The following CATSPERB variants were observed in gnomAD, a reference collection of about 807,000 sequenced individuals.
CATSPERB encodes cation channel sperm-associated auxiliary subunit beta.
In CATSPERB, 93 loss-of-function variants were observed where a neutral mutation model predicts 128.3. The ratio of observed to expected loss-of-function variants is 0.72; its 90% CI spans 0.61 to 0.86. The LOEUF (loss-of-function observed/expected upper bound fraction) is 0.86. Ranked by LOEUF, CATSPERB falls within the 40% of genes least tolerant of loss-of-function variation. CATSPERB has a pLI of 0.00. For synonymous variants in CATSPERB, 381 were observed against 448.8 expected (o/e 0.85, Z 1.91); for missense variants, 1,153 against 1,329.5 (o/e 0.87, Z 2.06).
At chr14:91,598,553 G>GA (rs1212398646) in intron 22 of CATSPERB, among the ~76,000 whole-genome samples, 3 of 152,114 alleles carry the variant, frequency 2.0e-5, no homozygotes, top group African/African-American at 7.2e-5. Flanking sequence ...CATTATAACT[G>GA]AGACTGTCAG....
chr14:91,618,266 C>A (rs1421965602), intron 19 of CATSPERB, among the ~76,000 whole-genome samples: 4 of 152,136 alleles, frequency 2.6e-5, no homozygotes, highest in African/African-American at 9.7e-5. Context: ...AGCTTCTTTA[C>A]TGCAACCAGT....
chr14:91,707,471 T>C (rs1485365051), intron 6 of CATSPERB, among the ~76,000 whole-genome samples: 2 of 151,960 alleles, frequency 1.3e-5, no homozygotes, highest in African/African-American at 4.8e-5. Context: ...ATTTGGAAGC[T>C]ACCTAAAAAA....
At chr14:91,675,211 G>T (rs1895172453) in intron 11 of CATSPERB, among the ~76,000 whole-genome samples, 1 of 152,226 alleles carries the variant, frequency 6.6e-6, no homozygotes, top group Admixed American at 6.5e-5. Flanking sequence ...TCATGCTACT[G>T]GATGGGACAA....
intron 11 of CATSPERB, 23 bp from the exon 12 acceptor site, chr14:91,674,245 C>T (rs769216388): frequency 2.3e-5 from 34 of 1,464,520 alleles, no homozygotes; most frequent in Non-Finnish European, 2.8e-5. Context: ...TACAAGGGTA[C>T]AGGAATTATG....
At position 91,703,982 on chromosome 14, in the gene CATSPERB, A is replaced by AG. The variant is rs1287137696; in HGVS notation, c.616+569dup. On this transcript the variant is annotated intron_variant, in intron 7 of 26. Transcript: ENST00000256343. ...GCCCTTAATCTGTTGTTGGCTGGAG[A>AG]GGGGGGTCTGTGCTAACTCCAGATA... is the stretch of plus-strand genomic sequence containing the variant. Among the ~76,000 whole-genome samples the AG allele has an allele frequency of 8.5e-5, 13 of 152,118 alleles. No individual in the cohort carries two copies. In the South Asian group the frequency reaches 1.9e-3, roughly 22 times the overall value.
chr14:91,664,138 C>A (rs1894936306), intron 14 of CATSPERB, among the ~76,000 whole-genome samples: 1 of 151,968 alleles, frequency 6.6e-6, no homozygotes, highest in Admixed American at 6.6e-5. Context: ...AACCACGGAT[C>A]TTCTTGCTGT....
intron 17 of CATSPERB, among the ~76,000 whole-genome samples, chr14:91,627,171 T>C (rs1216731832): frequency 6.6e-6 from 1 of 152,246 alleles, no homozygotes; most frequent in Admixed American, 6.5e-5. Context: ...AAATACATGC[T>C]ATGGTTTGCA....
intron 11 of CATSPERB, among the ~76,000 whole-genome samples, chr14:91,675,686 A>G (rs1037918677): frequency 6.6e-6 from 1 of 152,178 alleles, no homozygotes; most frequent in Non-Finnish European, 1.5e-5. Flanking sequence ...TATGTGATCT[A>G]CATTTGGGCC....
chr14:91,670,318 A>G (rs139122489), intron 13 of CATSPERB, among the ~76,000 whole-genome samples: 463 of 152,270 alleles, frequency 3.0e-3, no homozygotes, highest in African/African-American at 9.8e-3. Context: ...CCTAAGCCAC[A>G]CCCCAGTTCT....
At chr14:91,631,688 T>C (rs1894281217) in intron 17 of CATSPERB, among the ~76,000 whole-genome samples, 1 of 151,426 alleles carries the variant, frequency 6.6e-6, no homozygotes. Context: ...AAAATAATAA[T>C]AATAATAAAA....
At chr14:91,675,625 T>TC (rs1175083375) in intron 11 of CATSPERB, among the ~76,000 whole-genome samples, 1 of 152,180 alleles carries the variant, frequency 6.6e-6, no homozygotes, top group Non-Finnish European at 1.5e-5. Flanking sequence ...TTTTATCTAG[T>TC]CCCCTTGATG....
rs12436489 is a variant in CATSPERB, at chr14:91,699,418, C to A, written c.616+5134G>T. Among the ~76,000 whole-genome samples, 1,416 of 151,870 alleles carry A rather than the reference C, an allele frequency of 9.3e-3. 21 individuals carry two copies. Among genetic ancestry groups the A allele is most frequent in the African/African-American group, 0.032 (1,319 of 41,386 alleles). On this transcript the variant is annotated intron_variant, in intron 7 of 26. Transcript: ENST00000256343. The stretch of plus-strand genomic sequence containing the variant: ...ATCAAAATCACAACATCATTTTTCA[C>A]AGAATTAGAAAAAAAATCCTAAAAT...
In CATSPERB at chr14:91,708,226, A is replaced by T. The variant is rs145585757; in HGVS notation, c.381T>A (p.Ala127=). 3.6e-3 allele frequency: 5,783 copies of T among 1,600,870 alleles called. 20 individuals carry two copies. The highest frequency in any genetic ancestry group is 4.3e-3 in the Non-Finnish European group (5,042 of 1,171,626). The change falls in exon 6 of 27, where the codon GCT becomes GCA. Residue 127 remains alanine (A), a synonymous_variant. Coordinates refer to ENST00000256343, the MANE Select transcript of CATSPERB (RefSeq NM_024764.4). ...ENITQSTDIA[A]VEEWLVRITL... ...TGATTCTTACTAACCATTCTTCTACAGCTGCAATATCTGTTTGAAAACAAA... is the reference window on the plus strand; with the variant it reads ...TGATTCTTACTAACCATTCTTCTACTGCTGCAATATCTGTTTGAAAACAAA...
At chr14:91,589,734 TA>T (rs1411601602) in intron 23 of CATSPERB, 65 bp from the exon 24 acceptor site, 2 of 1,501,602 alleles carry the variant, frequency 1.3e-6, no homozygotes, top group Non-Finnish European at 1.8e-6. Flanking sequence ...CATTTCCTGG[TA>T]AAAAACGAAA....
At chr14:91,596,316 T>C (rs1893504980) in intron 22 of CATSPERB, among the ~76,000 whole-genome samples, 2 of 151,946 alleles carry the variant, frequency 1.3e-5, no homozygotes, top group South Asian at 2.1e-4. Flanking sequence ...CCATTCTCCT[T>C]CCTCAGCCTC....
chr14:91,673,379 C>G (rs972568836), intron 12 of CATSPERB, among the ~76,000 whole-genome samples: 1 of 152,152 alleles, frequency 6.6e-6, no homozygotes, highest in African/African-American at 2.4e-5. Flanking sequence ...CAATTTTACT[C>G]AGAGAGACAG....
At chr14:91,679,605 T>A (rs1175860001) in intron 11 of CATSPERB, among the ~76,000 whole-genome samples, 1 of 152,340 alleles carries the variant, frequency 6.6e-6, no homozygotes, top group Non-Finnish European at 1.5e-5. Context: ...TAACCTTCTA[T>A]GTTGCCCTTA....
chr14:91,634,669 TACAC>T (rs199944406), intron 17 of CATSPERB, among the ~76,000 whole-genome samples: 8 of 15,910 alleles, frequency 5.0e-4, no homozygotes, highest in African/African-American at 7.4e-4. Context: ...TATATATACA[TACAC>T]ACACACACAC....
intron 11 of CATSPERB, among the ~76,000 whole-genome samples, chr14:91,676,683 C>A (rs1895197438): frequency 6.6e-6 from 1 of 152,038 alleles, no homozygotes; most frequent in Non-Finnish European, 1.5e-5. Flanking sequence ...AACTGAACTG[C>A]CACATGAAAT....
Sources: allele counts gnomAD v4.1 joint callset (sites outside exome capture counted in the v4.1 genomes callset), GRCh38; gene constraint gnomAD v4.1.1; transcripts MANE v1.5; gene names NCBI Gene and HGNC (gene_info 2026-07-23, HGNC 2026-07-21).